The following RERE variants were observed in gnomAD, a reference collection of about 807,000 sequenced individuals.
RERE encodes the protein arginine-glutamic acid dipeptide repeats.
Under a neutral mutation model 146.1 loss-of-function variants are expected in RERE, and 40 were observed. The ratio of observed to expected loss-of-function variants is 0.27; its 90% CI spans 0.21 to 0.36. RERE has a LOEUF of 0.36. Among genes scored for constraint, RERE ranks in the 10% least tolerant of loss-of-function variants. The pLI, the probability that RERE is intolerant of heterozygous loss-of-function variation, is 1.00. For missense variants in RERE, 1,933 were observed against 2,138.7 expected (o/e 0.90, Z 1.90); for synonymous variants, 1,003 against 866.0 (o/e 1.16, Z -2.78).
At chr1:8,602,361 A>T (rs976725564) in intron 4 of RERE, among the ~76,000 whole-genome samples, 1 of 150,820 alleles carries the variant, frequency 6.6e-6, no homozygotes, top group African/African-American at 2.4e-5. Context: ...ACTGCACTCC[A>T]GCCTGGTGAC....
rs1641230350 is a variant in RERE at position 8,354,966 on chromosome 1, T to C, written c.*121A>G. 1 of 793,278 alleles carries C rather than the reference T, an allele frequency of 1.3e-6. No homozygotes were observed. The highest frequency in any genetic ancestry group is 2.7e-5 in the Admixed American group (1 of 37,526). 49.1% of individuals were successfully genotyped at this position (793,278 alleles called of 1,614,324 possible). A position where few individuals can be genotyped will look rare whatever the true frequency, so the allele number is the denominator to read the frequency against. ...ACATTTTTAGTTGTGGGTTTTTAAA[T>C]ATATAAAGAAATCTTTAGAAGATAT... is the stretch of plus-strand genomic sequence containing the variant. On this transcript the variant is annotated 3_prime_UTR_variant, in exon 23 of 23. Coordinates refer to ENST00000400908, the MANE Select transcript of RERE (RefSeq NM_001042681.2).
chr1:8,359,672 G>T, intron 19 of RERE, 92 bp downstream of exon 19: 1 of 1,394,704 alleles, frequency 7.2e-7, no homozygotes, highest in Non-Finnish European at 9.9e-7. Flanking sequence ...GCCGAGTCAG[G>T]CAGCCAAGGG....
intron 2 of RERE, among the ~76,000 whole-genome samples, chr1:8,638,851 C>T (rs1452097150): frequency 1.5e-5 from 2 of 134,886 alleles, no homozygotes; most frequent in East Asian, 2.2e-4. Flanking sequence ...TGCAGTGGCG[C>T]GAAGCTCCGC....
intron 8 of RERE, among the ~76,000 whole-genome samples, chr1:8,506,408 C>T (rs899721905): frequency 1.3e-5 from 2 of 152,218 alleles, no homozygotes; most frequent in Admixed American, 1.3e-4. Flanking sequence ...GTGTTCACTT[C>T]ACTTCATAAC....
chr1:8,434,705 C>A (rs1644144220), intron 11 of RERE: 1 of 152,254 alleles, frequency 6.6e-6, no homozygotes, highest in South Asian at 2.1e-4. Flanking sequence ...GCTGGGCTCT[C>A]CCTCTCTGGA....
At chr1:8,542,300 C>T (rs1001230650) in intron 6 of RERE, among the ~76,000 whole-genome samples, 2 of 152,112 alleles carry the variant, frequency 1.3e-5, no homozygotes, top group South Asian at 2.1e-4. Flanking sequence ...TATCAAAAGC[C>T]GTGCAGCATA....
chr1:8,572,019 A>AT (rs1482750402), intron 4 of RERE, among the ~76,000 whole-genome samples: 1 of 152,244 alleles, frequency 6.6e-6, no homozygotes, highest in Non-Finnish European at 1.5e-5. Context: ...GGAAATGTTC[A>AT]TATCTTCTGC....
At chr1:8,466,853 G>A (rs1167600560) in intron 10 of RERE, among the ~76,000 whole-genome samples, 1 of 152,078 alleles carries the variant, frequency 6.6e-6, no homozygotes, top group East Asian at 1.9e-4. Flanking sequence ...ACCTCGCAAA[G>A]ATGCTCCAGA....
At chr1:8,545,982 C>CTT (rs3050828) in intron 6 of RERE, among the ~76,000 whole-genome samples, 2,309 of 69,338 alleles carry the variant, frequency 0.033, 236 homozygotes, top group East Asian at 0.057. Context: ...CATACCCAGT[C>CTT]TTTTTTTTTT....
intron 4 of RERE, among the ~76,000 whole-genome samples, chr1:8,583,900 T>C (rs1204467944): frequency 2.0e-5 from 3 of 151,934 alleles, no homozygotes; most frequent in Non-Finnish European, 4.4e-5. Context: ...AAACCTCATA[T>C]AATGTTACTA....
At chr1:8,508,266 A>C (rs918399520) in intron 8 of RERE, among the ~76,000 whole-genome samples, 1 of 152,222 alleles carries the variant, frequency 6.6e-6, no homozygotes, top group African/African-American at 2.4e-5. Flanking sequence ...TTTATGAGGC[A>C]GAACAGTCAA....
At chr1:8,372,122 A>C (rs1362662408) in intron 12 of RERE, among the ~76,000 whole-genome samples, 3 of 152,170 alleles carry the variant, frequency 2.0e-5, no homozygotes, top group Non-Finnish European at 2.9e-5. Flanking sequence ...GAAAGAGTAG[A>C]AGAGATTGTT....
At chr1:8,591,122 G>T (rs539598753) in intron 4 of RERE, among the ~76,000 whole-genome samples, 1 of 152,298 alleles carries the variant, frequency 6.6e-6, no homozygotes, top group East Asian at 1.9e-4. Context: ...GGCTGCAAGA[G>T]ATTTCTGTGG....
chr1:8,690,633 C>T (rs1292339511), intron 1 of RERE, among the ~76,000 whole-genome samples: 3 of 152,132 alleles, frequency 2.0e-5, no homozygotes, highest in Non-Finnish European at 4.4e-5. Flanking sequence ...AGAATAATAG[C>T]TAAGAAGTAT....
At chr1:8,400,634 T>C (rs1259653612) in intron 12 of RERE, among the ~76,000 whole-genome samples, 4 of 151,892 alleles carry the variant, frequency 2.6e-5, no homozygotes. Flanking sequence ...GTGAAGAGTC[T>C]AATATTAGTG....
chr1:8,484,728 A>C (rs1382781625), intron 10 of RERE, among the ~76,000 whole-genome samples: 1 of 152,152 alleles, frequency 6.6e-6, no homozygotes, highest in Non-Finnish European at 1.5e-5. Flanking sequence ...CAGCCAAATA[A>C]AACAATTTTA....
In RERE at chr1:8,699,475, T is replaced by G. The variant is rs565324812; in HGVS notation, c.-144-43034A>C. Among the ~76,000 whole-genome samples the G allele has an allele frequency of 5.3e-5, 8 of 152,358 alleles. No homozygotes were observed. In the South Asian group the frequency reaches 1.4e-3, roughly 28 times the overall value. On this transcript the variant is annotated intron_variant, in intron 1 of 22. Transcript: ENST00000400908. Reference sequence around the variant, plus strand: ...ATTATTCTGTTTTATTACAAATATTTAAGTATGTCAACTATTTCATGGATT... The same window carrying G: ...ATTATTCTGTTTTATTACAAATATTGAAGTATGTCAACTATTTCATGGATT...
chr1:8,604,618 GAGGGAGGAAGGAAGGAAGGAAGGAAGGA>G (rs1646677436), intron 4 of RERE, among the ~76,000 whole-genome samples: 2 of 66,066 alleles, frequency 3.0e-5, no homozygotes, highest in African/African-American at 6.4e-5. Context: ...GGGAGGGAGG[GAGGGAGGAAGGAAGGAAGGAAGGAAGGA>G]AGGAAGGAAG....
intron 12 of RERE, among the ~76,000 whole-genome samples, chr1:8,380,142 G>A (rs1642396054): frequency 6.6e-6 from 1 of 151,944 alleles, no homozygotes; most frequent in Admixed American, 6.6e-5. Context: ...TGTTTATGCT[G>A]GGATTGGTCT....
Sources: gnomAD v4.1 joint callset for allele counts (sites outside exome capture counted in the v4.1 genomes callset) on GRCh38, gnomAD v4.1.1 for gene constraint, MANE v1.5 for transcripts, NCBI Gene and HGNC (gene_info 2026-07-23, HGNC 2026-07-21) for gene names.